Variants in MTCL1 observed in about 807,000 individuals in gnomAD.
MTCL1 encodes the protein microtubule cross-linking factor 1.
A neutral mutation model predicts 141.4 loss-of-function variants in MTCL1; 79 were observed. The ratio of observed to expected loss-of-function variants is 0.56; its 90% CI spans 0.47 to 0.67. The LOEUF (loss-of-function observed/expected upper bound fraction) is 0.67. Ranked by LOEUF, MTCL1 falls within the 30% of genes least tolerant of loss-of-function variation. The probability of loss-of-function intolerance (pLI) is 0.00; values close to 1 mark genes in which losing one functional copy is unlikely to be tolerated. For synonymous variants in MTCL1, 914 were observed against 875.8 expected (o/e 1.04, Z -0.77); for missense variants, 2,177 against 2,113.9 (o/e 1.03, Z -0.59).
chr18:8,816,727 C>A (rs941495099), intron 12 of MTCL1, among the ~76,000 whole-genome samples: 2 of 152,102 alleles, frequency 1.3e-5, no homozygotes, highest in African/African-American at 4.8e-5. Flanking sequence ...TACAAAGTGG[C>A]CTTTTTTCTT....
At chr18:8,775,487 C>T (rs956883882) in intron 4 of MTCL1, among the ~76,000 whole-genome samples, 1 of 151,700 alleles carries the variant, frequency 6.6e-6, no homozygotes, top group Non-Finnish European at 1.5e-5. Context: ...GCAGGCGAAT[C>T]GCTTGAACCG....
At chr18:8,818,089 A>G (rs1379471576) in intron 12 of MTCL1, among the ~76,000 whole-genome samples, 1 of 152,220 alleles carries the variant, frequency 6.6e-6, no homozygotes, top group African/African-American at 2.4e-5. Flanking sequence ...CAGCCCAGAA[A>G]GGCATAATGC....
chr18:8,714,714 T>C (rs1241916566), upstream of MTCL1, among the ~76,000 whole-genome samples: 1 of 152,178 alleles, frequency 6.6e-6, no homozygotes, highest in Non-Finnish European at 1.5e-5. Flanking sequence ...CTGTGACACG[T>C]GAGGATTATG....
chr18:8,803,978 A>G (rs941214000), intron 10 of MTCL1, among the ~76,000 whole-genome samples: 6 of 152,348 alleles, frequency 3.9e-5, no homozygotes, highest in African/African-American at 1.2e-4. Flanking sequence ...TCGATTACAT[A>G]TAAGAATGTA....
At chr18:8,791,317 G>A (rs1441193772) in intron 7 of MTCL1, among the ~76,000 whole-genome samples, 1 of 151,958 alleles carries the variant, frequency 6.6e-6, no homozygotes, top group East Asian at 1.9e-4. Flanking sequence ...CCAAGGTCAG[G>A]CTTTGAATTG....
chr18:8,820,288 T>G (rs2076801203), intron 13 of MTCL1, among the ~76,000 whole-genome samples: 1 of 152,026 alleles, frequency 6.6e-6, no homozygotes, highest in South Asian at 2.1e-4. Context: ...CGGGTGCCTG[T>G]AGTCCCAGCT....
chr18:8,720,083 G>C (rs2096158856), intron 3 of MTCL1: 1 of 357,574 alleles, frequency 2.8e-6, no homozygotes, highest in Non-Finnish European at 5.0e-6. Context: ...ACCAACTTTA[G>C]TGACACTAAG....
upstream of MTCL1, among the ~76,000 whole-genome samples, chr18:8,714,668 G>A (rs951418293): frequency 3.9e-5 from 6 of 152,102 alleles, no homozygotes; most frequent in East Asian, 1.9e-4. Flanking sequence ...GGAGAAACCC[G>A]CCCCCGTGAT....
At chr18:8,788,587 C>T (rs149602713) in intron 7 of MTCL1, among the ~76,000 whole-genome samples, 176 of 152,284 alleles carry the variant, frequency 1.2e-3, no homozygotes, top group Non-Finnish European at 1.7e-3. Flanking sequence ...CATAGTTGTA[C>T]CAGCAGCAGC....
chr18:8,793,241 G>T, intron 8 of MTCL1, 121 bp downstream of exon 7: 1 of 1,371,586 alleles, frequency 7.3e-7, no homozygotes, highest in Non-Finnish European at 9.9e-7. Context: ...AGACTCCTGG[G>T]CACGTATGGA....
chr18:8,805,315 A>G (rs1227796294), intron 10 of MTCL1, among the ~76,000 whole-genome samples: 6 of 152,076 alleles, frequency 3.9e-5, no homozygotes, highest in Non-Finnish European at 5.9e-5. Context: ...CTGTCCGAGT[A>G]TACCCAATGT....
At chr18:8,753,200 A>G (rs1012169914) in intron 4 of MTCL1, among the ~76,000 whole-genome samples, 6 of 152,218 alleles carry the variant, frequency 3.9e-5, no homozygotes, top group Non-Finnish European at 7.3e-5. Context: ...AAATGCTAAA[A>G]TCATTGTTTA....
chr18:8,718,953 TA>T (rs753100147), intron 3 of MTCL1, among the ~76,000 whole-genome samples: 1 of 152,182 alleles, frequency 6.6e-6, no homozygotes, highest in Non-Finnish European at 1.5e-5. Context: ...AGATCTGAAA[TA>T]TTTTTTTTAA....
At chr18:8,819,200 G>C in exon 13 of MTCL1, 1 of 1,614,214 alleles carries the variant, frequency 6.2e-7, no homozygotes, top group Non-Finnish European at 8.5e-7. Context: ...CCTGGATGAC[G>C]AGCCAGAAGA....
At chr18:8,817,450 A>T (rs1461158730) in intron 12 of MTCL1, among the ~76,000 whole-genome samples, 1 of 151,884 alleles carries the variant, frequency 6.6e-6, no homozygotes, top group Non-Finnish European at 1.5e-5. Context: ...GCTGAATCAG[A>T]CTCCATCTTT....
At chr18:8,784,089 C>T (rs1444575026) in exon 6 of MTCL1, 1 of 1,613,346 alleles carries the variant, frequency 6.2e-7, no homozygotes, top group Non-Finnish European at 8.5e-7. Flanking sequence ...GGTGCAAGTC[C>T]TGGTGCCGGG....
chr18:8,810,776 T>A lies in MTCL1; in HGVS notation c.2605-2203T>A, dbSNP rs2076457073. ...TTCTTTCTACTTAGAAAAAGTTTTA[T>A]TTTCCCCAGATTTACATTTTATAAA... On this transcript the variant is annotated intron_variant, in intron 11 of 16. Transcript: ENST00000359865. This position sits in a 1 kb window ranked among gnomAD's most constrained non-coding sequence, Gnocchi z 5.0. 6.6e-6 allele frequency among the ~76,000 whole-genome samples: 1 copy of A among 152,180 alleles called. No homozygotes were observed.
chr18:8,821,063 C>G (rs2076829109), intron 13 of MTCL1, among the ~76,000 whole-genome samples: 1 of 152,196 alleles, frequency 6.6e-6, no homozygotes, highest in East Asian at 1.9e-4. Context: ...CCATCTTTCT[C>G]TCTAACATAA....
chr18:8,812,243 T>G (rs1258891503), intron 11 of MTCL1, among the ~76,000 whole-genome samples: 1 of 152,262 alleles, frequency 6.6e-6, no homozygotes, highest in East Asian at 1.9e-4. Flanking sequence ...AACTTCCTTT[T>G]TCATTTCCTG....
Sources: allele counts gnomAD v4.1 joint callset (sites outside exome capture counted in the v4.1 genomes callset), GRCh38; gene constraint gnomAD v4.1.1; non-coding constraint Gnocchi (gnomAD v3.1); transcripts MANE v1.5; gene names NCBI Gene and HGNC (gene_info 2026-07-23, HGNC 2026-07-21).